Variants in ZMAT4 observed in about 807,000 individuals in gnomAD.
The protein encoded by ZMAT4 is zinc finger matrin-type protein 4.
ZMAT4 carries 17 observed loss-of-function variants against 28.7 expected under a neutral mutation model. The observed-to-expected ratio is 0.59, with a 90% CI of 0.41 to 0.89. The LOEUF is 0.89. Among genes scored for constraint, ZMAT4 ranks in the 40% least tolerant of loss-of-function variants. ZMAT4 has a pLI of 0.00. For synonymous variants in ZMAT4, 117 were observed against 109.2 expected (o/e 1.07, Z -0.44); for missense variants, 240 against 283.8 (o/e 0.85, Z 1.11).
At chr8:40,536,177 C>G (rs1563330141) in intron 6 of ZMAT4, among the ~76,000 whole-genome samples, 1 of 152,150 alleles carries the variant, frequency 6.6e-6, no homozygotes, top group South Asian at 2.1e-4. Context: ...CTTGTATTTC[C>G]TAACTTGGCC....
chr8:40,748,236 G>T (rs140549395), intron 3 of ZMAT4, among the ~76,000 whole-genome samples: 1 of 152,070 alleles, frequency 6.6e-6, no homozygotes, highest in African/African-American at 2.4e-5. Flanking sequence ...TGAATTATAC[G>T]TGATTACAAA....
chr8:40,657,166 G>A (rs1214148683), intron 5 of ZMAT4, among the ~76,000 whole-genome samples: 7 of 152,068 alleles, frequency 4.6e-5, no homozygotes, highest in Admixed American at 4.6e-4. Context: ...AAGTAGCTGG[G>A]TATGTCTCAG....
At chr8:40,591,538 C>G (rs539692077) in intron 5 of ZMAT4, among the ~76,000 whole-genome samples, 83 of 152,322 alleles carry the variant, frequency 5.4e-4, no homozygotes, top group Middle Eastern at 3.4e-3. Flanking sequence ...CCCTCCCCAC[C>G]CCAGTACCAT....
intron 1 of ZMAT4, among the ~76,000 whole-genome samples, chr8:40,880,426 A>G (rs1414068625): frequency 2.6e-5 from 4 of 152,034 alleles, no homozygotes; most frequent in Non-Finnish European, 5.9e-5. Flanking sequence ...GAAAGAGGGC[A>G]CCAATTAAAG....
chr8:40,799,749 G>C (rs574150299), intron 2 of ZMAT4, among the ~76,000 whole-genome samples: 1 of 152,176 alleles, frequency 6.6e-6, no homozygotes, highest in African/African-American at 2.4e-5. Context: ...AATTGTATAA[G>C]TATGTATAAG....
At chr8:40,650,160 T>A (rs1430568172) in intron 5 of ZMAT4, among the ~76,000 whole-genome samples, 3 of 151,858 alleles carry the variant, frequency 2.0e-5, no homozygotes, top group South Asian at 2.1e-4. Context: ...AGGGATCAAC[T>A]AAATTGATAG....
intron 1 of ZMAT4, among the ~76,000 whole-genome samples, chr8:40,861,110 G>C (rs563170035): frequency 6.6e-6 from 1 of 152,182 alleles, no homozygotes; most frequent in African/African-American, 2.4e-5. Flanking sequence ...AATAGTTCAT[G>C]CTTCCTCCTC....
intron 1 of ZMAT4, among the ~76,000 whole-genome samples, chr8:40,887,661 A>G (rs78579293): frequency 0.063 from 9,566 of 152,106 alleles, 335 homozygotes; most frequent in Non-Finnish European, 0.069. Context: ...TCTTCCTGCA[A>G]CCCCGCAGAG....
chr8:40,610,505 T>C (rs911367493), intron 5 of ZMAT4, among the ~76,000 whole-genome samples: 3 of 152,030 alleles, frequency 2.0e-5, no homozygotes, highest in Admixed American at 1.3e-4. Context: ...AAATTCTATA[T>C]ATATATATAT....
intron 5 of ZMAT4, among the ~76,000 whole-genome samples, chr8:40,598,229 G>T (rs1805168418): frequency 6.6e-6 from 1 of 152,118 alleles, no homozygotes; most frequent in African/African-American, 2.4e-5. Context: ...TAAGTTCCAG[G>T]ATACATGTGC....
At chr8:40,807,597 C>A (rs1373550241) in intron 2 of ZMAT4, among the ~76,000 whole-genome samples, 1 of 152,138 alleles carries the variant, frequency 6.6e-6, no homozygotes, top group Non-Finnish European at 1.5e-5. Flanking sequence ...AGACTATGTA[C>A]CTCTCTGCCA....
chr8:40,832,721 T>C (rs1463099704), intron 1 of ZMAT4, among the ~76,000 whole-genome samples: 1 of 152,226 alleles, frequency 6.6e-6, no homozygotes, highest in African/African-American at 2.4e-5. Context: ...TGGTTATGAA[T>C]GTGAAACAGA....
chr8:40,738,536 T>G (rs1283726661), intron 3 of ZMAT4, among the ~76,000 whole-genome samples: 2 of 152,312 alleles, frequency 1.3e-5, no homozygotes, highest in South Asian at 2.1e-4. Context: ...GGGGATGGTT[T>G]TGCACTGAGT....
In ZMAT4 at chr8:40,865,224, C is replaced by T. The variant is rs182018478; in HGVS notation, c.-5+32459G>A. On this transcript the variant is annotated intron_variant, in intron 1 of 6. Transcript: ENST00000297737. ...ACAAATGCCACTTATTCTCTCGCTT[C>T]GGAGTATCACACAATGTTTTGCCTT... Among the ~76,000 whole-genome samples, 398 of 152,264 alleles carry T rather than the reference C, an allele frequency of 2.6e-3. 6 individuals are homozygous for T. The highest frequency in any genetic ancestry group is 1.1e-3 in the Non-Finnish European group (77 of 68,028).
chr8:40,683,915 A>C (rs1400756215), intron 4 of ZMAT4, among the ~76,000 whole-genome samples: 1 of 152,090 alleles, frequency 6.6e-6, no homozygotes, highest in African/African-American at 2.4e-5. Flanking sequence ...AAATACAAAA[A>C]TTAGATGGGC....
chr8:40,884,266 C>T (rs1818380716), intron 1 of ZMAT4, among the ~76,000 whole-genome samples: 1 of 151,976 alleles, frequency 6.6e-6, no homozygotes. Flanking sequence ...GCCTCACTCC[C>T]TCACCCACTC....
At chr8:40,853,846 T>C (rs1055639041) in intron 1 of ZMAT4, among the ~76,000 whole-genome samples, 19 of 152,182 alleles carry the variant, frequency 1.2e-4, no homozygotes, top group African/African-American at 4.1e-4. Context: ...AAAGTGTCTG[T>C]ATTTGTCTGT....
At chr8:40,853,620 T>C (rs1479445385) in intron 1 of ZMAT4, among the ~76,000 whole-genome samples, 1 of 152,162 alleles carries the variant, frequency 6.6e-6, no homozygotes. Flanking sequence ...TAAGTAAAAC[T>C]GGCAGTCTTT....
intron 5 of ZMAT4, among the ~76,000 whole-genome samples, chr8:40,582,950 G>C (rs1261511620): frequency 2.0e-5 from 3 of 152,228 alleles, no homozygotes; most frequent in African/African-American, 4.8e-5. Flanking sequence ...TGAGGTAAGA[G>C]AGCATCAGTG....
Sources: gnomAD v4.1 joint callset for allele counts (sites outside exome capture counted in the v4.1 genomes callset) on GRCh38, gnomAD v4.1.1 for gene constraint, MANE v1.5 for transcripts, NCBI Gene and HGNC (gene_info 2026-07-23, HGNC 2026-07-21) for gene names.